The following TEX11 variants were observed in gnomAD, a reference collection of about 807,000 sequenced individuals.
TEX11 encodes the protein testis expressed 11.
A neutral mutation model predicts 84.4 loss-of-function variants in TEX11; 7 were observed. That is an observed-to-expected ratio of 0.08 (90% CI 0.05 to 0.16). The LOEUF (loss-of-function observed/expected upper bound fraction) is 0.16. TEX11 is among the 10% of genes least tolerant of loss of function. TEX11 has a pLI of 1.00. For synonymous variants in TEX11, 264 were observed against 222.8 expected (o/e 1.18, Z -1.64); for missense variants, 551 against 660.5 (o/e 0.83, Z 1.82).
chrX:70,850,406 C>T (rs989820921), intron 7 of TEX11, among the ~76,000 whole-genome samples: 17 of 110,534 alleles, frequency 1.5e-4, no homozygotes, highest in African/African-American at 4.9e-4. Context: ...TTTGCAGTTA[C>T]GTCACATCAC....
chrX:70,650,473 T>C (rs185321159), intron 17 of TEX11, among the ~76,000 whole-genome samples: 1 of 111,689 alleles, frequency 9.0e-6, no homozygotes, highest in East Asian at 2.8e-4. Context: ...CTTCAAGTTA[T>C]TTTACCCTTA....
intron 13 of TEX11, among the ~76,000 whole-genome samples, chrX:70,689,464 T>C (rs1376783830): frequency 9.0e-6 from 1 of 111,017 alleles, no homozygotes; most frequent in African/African-American, 3.3e-5. Context: ...GATTCCAGGA[T>C]TGGGGCAAGA....
intron 9 of TEX11, among the ~76,000 whole-genome samples, chrX:70,766,135 G>T (rs767136633): frequency 4.0e-4 from 45 of 111,878 alleles, no homozygotes; most frequent in Non-Finnish European, 6.8e-4. Context: ...AAGAGGACCG[G>T]GCATGGTGTC....
chrX:70,554,187 C>T (rs1012270698), intron 26 of TEX11, among the ~76,000 whole-genome samples: 2 of 111,996 alleles, frequency 1.8e-5, no homozygotes, highest in Non-Finnish European at 3.8e-5. Flanking sequence ...TTGAGAGTGG[C>T]AATTGTGTTA....
intron 7 of TEX11, among the ~76,000 whole-genome samples, chrX:70,836,771 C>T (rs1385981680): frequency 8.9e-6 from 1 of 112,145 alleles, no homozygotes; most frequent in Admixed American, 9.5e-5. Context: ...AATCCCAGTA[C>T]TTTGGGAGGC....
At chrX:70,543,737 T>C (rs1036554662) in intron 28 of TEX11, among the ~76,000 whole-genome samples, 1 of 112,321 alleles carries the variant, frequency 8.9e-6, no homozygotes, top group Non-Finnish European at 1.9e-5. Context: ...CCACCATCTG[T>C]TGTGATTTGC....
At chrX:70,541,759 AAAAC>A (rs1348895343) in intron 28 of TEX11, among the ~76,000 whole-genome samples, 2 of 112,340 alleles carry the variant, frequency 1.8e-5, no homozygotes, top group East Asian at 5.6e-4. Context: ...CTCTGTCTCA[AAAAC>A]AAACAAACAA....
At chrX:70,567,669 A>T (rs2088510867) in intron 25 of TEX11, among the ~76,000 whole-genome samples, 3 of 111,513 alleles carry the variant, frequency 2.7e-5, no homozygotes, top group African/African-American at 9.8e-5. Flanking sequence ...TGTACCCAGT[A>T]GTCATTCAGG....
rs770599763 is a variant in TEX11, at chrX:70,642,095, C to T, written c.1483+9355G>A. On this transcript the variant is annotated intron_variant, in intron 17 of 29. Transcript: ENST00000374333. Reference sequence around the variant, plus strand: ...AAAATGATAAAGGGGATATCACCACCGATCCCACAGAAATACAAACTACCA... The same window carrying T: ...AAAATGATAAAGGGGATATCACCACTGATCCCACAGAAATACAAACTACCA... Among the ~76,000 whole-genome samples the T allele has an allele frequency of 3.0e-4, 33 of 110,343 alleles. No individual in the cohort carries two copies. In the South Asian group the frequency reaches 3.9e-3, roughly 13 times the overall value.
At chrX:70,675,472 A>G (rs1345763014) in intron 15 of TEX11, among the ~76,000 whole-genome samples, 2 of 111,204 alleles carry the variant, frequency 1.8e-5, no homozygotes, top group African/African-American at 6.5e-5. Context: ...GTAAAACTGA[A>G]ACTCTATACT....
intron 13 of TEX11, among the ~76,000 whole-genome samples, chrX:70,697,087 C>T (rs2090287017): frequency 8.9e-6 from 1 of 111,911 alleles, no homozygotes; most frequent in African/African-American, 3.2e-5. Context: ...CTCTTCAGAG[C>T]CAGTAATGGT....
At chrX:70,887,986 C>T (rs557170253) in intron 2 of TEX11, among the ~76,000 whole-genome samples, 4 of 113,315 alleles carry the variant, frequency 3.5e-5, no homozygotes, top group East Asian at 2.8e-4. Flanking sequence ...GGTATCTCTA[C>T]GAGTCTGCAA....
At chrX:70,679,635 C>T (rs1427852385) in intron 14 of TEX11, among the ~76,000 whole-genome samples, 15 of 107,229 alleles carry the variant, frequency 1.4e-4, no homozygotes, top group Non-Finnish European at 2.9e-4. Flanking sequence ...GGCAGCCGCG[C>T]TGTCTGAGAA....
intron 13 of TEX11, among the ~76,000 whole-genome samples, chrX:70,684,134 AAAGAC>A (rs2090168500): frequency 1.8e-5 from 2 of 112,254 alleles, no homozygotes; most frequent in Non-Finnish European, 3.8e-5. Flanking sequence ...GGAAGACTCT[AAAGAC>A]TCCACCAAAG....
chrX:70,741,661 T>G (rs1320054086), intron 10 of TEX11, among the ~76,000 whole-genome samples: 1 of 111,577 alleles, frequency 9.0e-6, no homozygotes, highest in African/African-American at 3.3e-5. Flanking sequence ...ACTTACAATA[T>G]GGAATATGAA....
chrX:70,580,520 G>A (rs748035854), intron 25 of TEX11, among the ~76,000 whole-genome samples: 50 of 112,023 alleles, frequency 4.5e-4, no homozygotes, highest in Non-Finnish European at 5.5e-4. Context: ...TGATTATCAC[G>A]CATGGCATGC....
intron 9 of TEX11, among the ~76,000 whole-genome samples, chrX:70,792,148 A>T (rs1450316120): frequency 1.6e-4 from 15 of 95,490 alleles, no homozygotes; most frequent in Admixed American, 8.1e-4. Context: ...AAAATTAGCC[A>T]GGCATGGTAC....
Position 70,549,923 on chromosome X carries a change from T to C in TEX11, c.2520+2203A>G, listed in dbSNP as rs1003943232. On this transcript the variant is annotated intron_variant, in intron 28 of 29. Coordinates refer to ENST00000374333, the MANE Select transcript of TEX11 (RefSeq NM_031276.3). Reference sequence around the variant, plus strand: ...TGAGCAAACATAGGTGGTAGCCAGGTAGTGGTTACAGTGGGCCTTGGGTGA... The same window carrying C: ...TGAGCAAACATAGGTGGTAGCCAGGCAGTGGTTACAGTGGGCCTTGGGTGA... Among the ~76,000 whole-genome samples, 3 of 112,426 alleles carry C rather than the reference T, an allele frequency of 2.7e-5. No individual in the cohort carries two copies. In the East Asian group the frequency reaches 8.5e-4, roughly 32 times the overall value.
At chrX:70,672,608 CT>C (rs373926498) in intron 15 of TEX11, among the ~76,000 whole-genome samples, 178 of 111,455 alleles carry the variant, frequency 1.6e-3, no homozygotes, top group African/African-American at 5.4e-3. Context: ...CATAAGTCAT[CT>C]TTTTTGGGTG....
Sources: gnomAD v4.1 joint callset for allele counts (sites outside exome capture counted in the v4.1 genomes callset) on GRCh38, gnomAD v4.1.1 for gene constraint, MANE v1.5 for transcripts, NCBI Gene and HGNC (gene_info 2026-07-23, HGNC 2026-07-21) for gene names.